FBXL17: variants seen among roughly 807,000 people sequenced by gnomAD.
The protein encoded by FBXL17 is F-box/LRR-repeat protein 17.
Under a neutral mutation model 66.2 loss-of-function variants are expected in FBXL17, and 22 were observed. The ratio of observed to expected loss-of-function variants is 0.33; its 90% CI spans 0.24 to 0.47. The LOEUF (loss-of-function observed/expected upper bound fraction) is 0.47, where lower values mean the gene tolerates loss of function less well. FBXL17 is among the 20% of genes least tolerant of loss of function. FBXL17 has a pLI of 1.00. For synonymous variants in FBXL17, 474 were observed against 400.5 expected (o/e 1.18, Z -2.19); for missense variants, 878 against 948.2 (o/e 0.93, Z 0.97).
intron 7 of FBXL17, among the ~76,000 whole-genome samples, chr5:107,983,603 CAG>C (rs145082598): frequency 1.5e-3 from 228 of 151,962 alleles, no homozygotes; most frequent in Non-Finnish European, 2.4e-3. Context: ...CTCCACAAAA[CAG>C]AGAGAAATTT....
At chr5:108,131,293 CT>C in intron 6 of FBXL17, among the ~76,000 whole-genome samples, 1 of 152,210 alleles carries the variant, frequency 6.6e-6, no homozygotes, top group East Asian at 1.9e-4. Context: ...AAATCTGTGA[CT>C]GTTTGGTAAT....
At chr5:107,992,639 ATTTT>A (rs1014978804) in intron 7 of FBXL17, among the ~76,000 whole-genome samples, 2 of 152,176 alleles carry the variant, frequency 1.3e-5, no homozygotes, top group African/African-American at 4.8e-5. Context: ...CATTTTAAAA[ATTTT>A]TTTATCAAGG....
chr5:108,151,622 C>T lies in FBXL17; in HGVS notation c.1745+34495G>A, dbSNP rs142088818. ...GAAACTTTACTAAAGCAGATACTTA[C>T]AATAGTGGAACTTTTTGAGAAAGTA... On this transcript the variant is annotated intron_variant, in intron 6 of 8. Transcript: ENST00000542267. 4.0e-3 allele frequency among the ~76,000 whole-genome samples: 616 copies of T among 152,260 alleles called. 4 individuals carry two copies. The highest frequency in any genetic ancestry group is 6.5e-3 in the Non-Finnish European group (443 of 68,002).
intron 4 of FBXL17, among the ~76,000 whole-genome samples, chr5:108,240,436 C>A (rs1026065352): frequency 6.6e-6 from 1 of 152,028 alleles, no homozygotes; most frequent in Non-Finnish European, 1.5e-5. Flanking sequence ...TCCCTGTGGG[C>A]CTGTGGTAGT....
At chr5:108,035,222 G>A (rs965841235) in intron 6 of FBXL17, among the ~76,000 whole-genome samples, 2 of 152,150 alleles carry the variant, frequency 1.3e-5, no homozygotes, top group African/African-American at 4.8e-5. Flanking sequence ...GAGAATAAAT[G>A]CATACTTATT....
At chr5:108,192,749 A>G (rs1343785200) in intron 5 of FBXL17, among the ~76,000 whole-genome samples, 1 of 152,098 alleles carries the variant, frequency 6.6e-6, no homozygotes, top group Non-Finnish European at 1.5e-5. Context: ...CCGAGATCGC[A>G]CCACTGCACT....
At chr5:108,151,212 T>C (rs1245181377) in intron 6 of FBXL17, among the ~76,000 whole-genome samples, 5 of 152,128 alleles carry the variant, frequency 3.3e-5, no homozygotes, top group Non-Finnish European at 5.9e-5. Context: ...GGCTCCTATA[T>C]AGGACAAACT....
chr5:107,934,788 T>A (rs1243498312), intron 7 of FBXL17, among the ~76,000 whole-genome samples: 1 of 152,200 alleles, frequency 6.6e-6, no homozygotes, highest in African/African-American at 2.4e-5. Context: ...ATGTATTATA[T>A]TTCCTGTAAA....
intron 4 of FBXL17, among the ~76,000 whole-genome samples, chr5:108,242,926 AT>A (rs1249173224): frequency 2.0e-5 from 3 of 152,212 alleles, no homozygotes; most frequent in Non-Finnish European, 4.4e-5. Flanking sequence ...TCTCATTAAA[AT>A]TTTACCACAG....
intron 6 of FBXL17, among the ~76,000 whole-genome samples, chr5:108,067,392 A>G (rs752152868): frequency 3.5e-4 from 53 of 152,192 alleles, no homozygotes; most frequent in Non-Finnish European, 6.6e-4. Flanking sequence ...CACTGAGTAA[A>G]TAAACAAACA....
At chr5:108,305,179 T>A (rs745907460) in intron 4 of FBXL17, among the ~76,000 whole-genome samples, 2 of 152,080 alleles carry the variant, frequency 1.3e-5, no homozygotes, top group African/African-American at 2.4e-5. Context: ...ATGGATTTGG[T>A]TAACATAGAG....
chr5:107,939,040 C>T (rs1234488948), intron 7 of FBXL17, among the ~76,000 whole-genome samples: 3 of 152,032 alleles, frequency 2.0e-5, no homozygotes, highest in Non-Finnish European at 2.9e-5. Flanking sequence ...TGAATTTTAG[C>T]GCATCGTCCA....
In FBXL17 at chr5:108,258,861, A is replaced by C. The variant is rs559558560; in HGVS notation, c.1507-34633T>G. Among the ~76,000 whole-genome samples the C allele has an allele frequency of 3.3e-5, 5 of 152,264 alleles. No individual in the cohort carries two copies. In the East Asian group the frequency reaches 9.6e-4, roughly 29 times the overall value. ...AAGTGATAACACACAGAGAATTTAAAAGAAATTCCAAATTAGATCTGAGAA... is the reference window on the plus strand; with the variant it reads ...AAGTGATAACACACAGAGAATTTAACAGAAATTCCAAATTAGATCTGAGAA... On this transcript the variant is annotated intron_variant, in intron 4 of 8. Coordinates refer to ENST00000542267, the MANE Select transcript of FBXL17 (RefSeq NM_001163315.3).
chr5:108,141,027 T>C (rs560793067), intron 6 of FBXL17, among the ~76,000 whole-genome samples: 11 of 152,286 alleles, frequency 7.2e-5, no homozygotes, highest in South Asian at 4.1e-4. Context: ...TGTCCTAACA[T>C]GGAAATGTGA....
intron 7 of FBXL17, among the ~76,000 whole-genome samples, chr5:107,883,180 C>T (rs1748850027): frequency 6.6e-6 from 1 of 152,148 alleles, no homozygotes; most frequent in Non-Finnish European, 1.5e-5. Flanking sequence ...GGTGTATTGT[C>T]AGATTTATTA....
chr5:107,899,936 C>A (rs550595923), intron 7 of FBXL17, among the ~76,000 whole-genome samples: 1 of 152,034 alleles, frequency 6.6e-6, no homozygotes, highest in East Asian at 1.9e-4. Flanking sequence ...GTACTTGTAC[C>A]CCCTAAATAT....
chr5:107,887,357 T>G (rs1749008704), intron 7 of FBXL17, among the ~76,000 whole-genome samples: 1 of 152,166 alleles, frequency 6.6e-6, no homozygotes, highest in Admixed American at 6.5e-5. Context: ...CATTTCCTCC[T>G]CAATAGAAGG....
rs1749236880 is a variant in FBXL17, at chr5:108,373,874, T to G, written c.994-5921A>C. Among the ~76,000 whole-genome samples, 3 of 152,184 alleles carry G rather than the reference T, an allele frequency of 2.0e-5. No homozygotes were observed. In the South Asian group the frequency reaches 6.2e-4, roughly 32 times the overall value. On this transcript the variant is annotated intron_variant, in intron 1 of 8. Coordinates refer to ENST00000542267, the MANE Select transcript of FBXL17 (RefSeq NM_001163315.3). ...TCGAGGCTGCAGTGAGTTGTGATCG[T>G]GCCACTGCATTCCAGCCTGGACAAC...
intron 7 of FBXL17, among the ~76,000 whole-genome samples, chr5:107,896,495 C>T (rs1749387793): frequency 6.6e-6 from 1 of 152,168 alleles, no homozygotes; most frequent in African/African-American, 2.4e-5. Context: ...TGTGACACTA[C>T]TCATCTCCAC....
Sources: allele counts gnomAD v4.1 joint callset (sites outside exome capture counted in the v4.1 genomes callset), GRCh38; gene constraint gnomAD v4.1.1; transcripts MANE v1.5; gene names NCBI Gene and HGNC (gene_info 2026-07-23, HGNC 2026-07-21).